Variants in FMO3 observed in about 807,000 individuals in gnomAD.
The protein encoded by FMO3 is flavin containing dimethylaniline monoxygenase 3, also known as flavin-containing monooxygenase 3.
In FMO3, 40 loss-of-function variants were observed where a neutral mutation model predicts 39.4. That is an observed-to-expected ratio of 1.02 (90% CI 0.79 to 1.32). The LOEUF (loss-of-function observed/expected upper bound fraction) is 1.32. FMO3 is among the 40% of genes most tolerant of loss of function. The probability of loss-of-function intolerance (pLI) is 0.00; values close to 1 mark genes in which losing one functional copy is unlikely to be tolerated. For missense variants in FMO3, 680 were observed against 651.8 expected, an observed-to-expected ratio of 1.04 and a Z score of -0.47; for synonymous variants, 219 against 228.8, an observed-to-expected ratio of 0.96 and a Z score of 0.39.
At chr1:171,092,558 T>C in intron 1 of FMO3, 95 bp from the exon 2 acceptor site, 1 of 1,461,432 alleles carries the variant, frequency 6.8e-7, no homozygotes, top group Admixed American at 1.7e-5. Flanking sequence ...AAAGTTTTTA[T>C]TAAGCCAAAG....
chr1:171,093,827 C>CTTT (rs1228257104), intron 2 of FMO3, among the ~76,000 whole-genome samples: 1,073 of 75,294 alleles, frequency 0.014, 57 homozygotes, highest in African/African-American at 0.017. Flanking sequence ...TCACTAATAT[C>CTTT]TTTTTTTTTT....
rs753676091 is a variant in FMO3 at position 171,116,443 on chromosome 1, G to A, written c.1256+163G>A. The stretch of plus-strand genomic sequence containing the variant: ...CAACAAATATTAATTGAAGACCTAC[G>A]TTGCTTCTGACATTGTATTAAGTTC... On this transcript the variant is annotated intron_variant, in intron 8 of 8. Transcript: ENST00000367755. 6.4e-4 allele frequency among the ~76,000 whole-genome samples: 98 copies of A among 152,134 alleles called. 1 individual carries two copies. Among genetic ancestry groups the A allele is most frequent in the Non-Finnish European group, 2.1e-4 (14 of 68,024 alleles).
intron 2 of FMO3, among the ~76,000 whole-genome samples, chr1:171,096,049 A>AT (rs1240961982): frequency 2.1e-5 from 1 of 47,438 alleles, no homozygotes; most frequent in African/African-American, 1.8e-4. Context: ...ATTATATATA[A>AT]ATATATAATA....
At chr1:171,095,921 T>A (rs367947231) in intron 2 of FMO3, among the ~76,000 whole-genome samples, 4 of 412 alleles carry the variant, frequency 9.7e-3, no homozygotes, top group Admixed American at 0.026. Context: ...AATATATATT[T>A]ATATAATTAT....
chr1:171,100,158 T>C (rs1655310169), intron 2 of FMO3: 1 of 152,218 alleles, frequency 6.6e-6, no homozygotes, highest in Admixed American at 6.5e-5. Flanking sequence ...TTGCTGAAGA[T>C]AGAACGCACT....
rs762148326 is a variant in FMO3 at position 171,092,710 on chromosome 1, A to G, written c.52A>G (p.Ile18Val). 1 of 1,614,162 alleles carries G rather than the reference A, an allele frequency of 6.2e-7. No individual in the cohort carries two copies. Among genetic ancestry groups the G allele is most frequent in the Non-Finnish European group, 8.5e-7 (1 of 1,180,016 alleles). The change falls in exon 2 of 9, where the codon ATC (isoleucine) becomes GTC (valine). Residue 18 changes from isoleucine (I) to valine (V), a missense_variant. Physicochemically the swap from Ile to Val is conservative, Grantham distance 29 (BLOSUM62 3). Coordinates refer to ENST00000367755, the MANE Select transcript of FMO3 (RefSeq NM_001002294.3). ...AGCTGGTGTGAGTGGCTTGGCCTCC[A>G]TCAGGAGCTGTCTGGAAGAGGGGCT... is the stretch of plus-strand genomic sequence containing the variant. Reference protein sequence around the residue: ...IGAGVSGLASIRSCLEEGLEP... With the variant: ...IGAGVSGLASVRSCLEEGLEP...
At position 171,103,674 on chromosome 1, in the gene FMO3, G is replaced by A. The variant is rs1014210137; in HGVS notation, c.133-111G>A. ...AGATTTTGGTAACCACGGAGGTCCTGGAACCTTCCATAGATACCAAGGGAT... is the reference window on the plus strand; with the variant it reads ...AGATTTTGGTAACCACGGAGGTCCTAGAACCTTCCATAGATACCAAGGGAT... On this transcript the variant is annotated intron_variant, in intron 2 of 8. Transcript: ENST00000367755. 4.1e-5 allele frequency: 37 copies of A among 913,400 alleles called. No individual in the cohort carries two copies. The East Asian group carries it at 8.9e-4, about 22-fold the overall frequency. 56.6% of individuals were successfully genotyped at this position (913,400 alleles called of 1,614,324 possible).
chr1:171,093,268 C>T (rs1026629368), intron 2 of FMO3, among the ~76,000 whole-genome samples: 1 of 151,960 alleles, frequency 6.6e-6, no homozygotes, highest in Non-Finnish European at 1.5e-5. Flanking sequence ...ATACCTCAAC[C>T]GCCTCCCACT....
At chr1:171,096,799 T>C (rs1300615898) in intron 2 of FMO3, among the ~76,000 whole-genome samples, 1 of 131,124 alleles carries the variant, frequency 7.6e-6, no homozygotes, top group African/African-American at 2.7e-5. Context: ...TATATATATT[T>C]GTAATTATAC....
At chr1:171,096,356 TAA>T (rs1186436028) in intron 2 of FMO3, among the ~76,000 whole-genome samples, 1 of 89,810 alleles carries the variant, frequency 1.1e-5, no homozygotes, top group Non-Finnish European at 1.8e-5. Context: ...TATAAATATA[TAA>T]AAATATATAT....
rs747102583 is a variant in FMO3, at chr1:171,110,801, AT to A, written c.632del (p.Met211ArgfsTer10). 6.2e-7 allele frequency: 1 copy of A among 1,613,932 alleles called. No homozygotes were observed. The highest frequency in any genetic ancestry group is 2.2e-5 in the East Asian group (1 of 44,872). ...GGTTGAATTGGTGTTTTTTAAGGTCATGATCAGTTCCAGAAGTGGCTCCTGG... is the reference window on the plus strand; with the variant it reads ...GGTTGAATTGGTGTTTTTTAAGGTCAGATCAGTTCCAGAAGTGGCTCCTGG... ...TELSRTAEQV[M>X]ISSRSGSWVM... is the part of the protein sequence containing the mutation. On this transcript the variant is annotated frameshift_variant, in exon 6 of 9. Transcript: ENST00000367755. LOFTEE classifies it high-confidence loss of function.
At chr1:171,099,759 CTTTTTT>C (rs747274398) in intron 2 of FMO3, 2 of 117,612 alleles carry the variant, frequency 1.7e-5, no homozygotes, top group Non-Finnish European at 3.4e-5. Context: ...CCATGTCTTT[CTTTTTT>C]TTTTTTTTTT....
intron 3 of FMO3, among the ~76,000 whole-genome samples, chr1:171,107,187 G>A (rs1240794179): frequency 6.6e-6 from 1 of 152,184 alleles, no homozygotes; most frequent in African/African-American, 2.4e-5. Flanking sequence ...TATAGTCCAA[G>A]TGACATCAGC....
intron 2 of FMO3, chr1:171,101,597 A>G: frequency 6.7e-6 from 3 of 450,706 alleles, no homozygotes; most frequent in East Asian, 7.0e-5. Context: ...CTTAGCTAAC[A>G]CTAAGGGTGC....
intron 8 of FMO3, 58 bp from the exon 9 acceptor site, chr1:171,117,042 G>A (rs1395593650): frequency 2.4e-5 from 32 of 1,311,864 alleles, no homozygotes; most frequent in Non-Finnish European, 2.9e-5. Flanking sequence ...CATTTTCTCT[G>A]TTCTGTTTCT....
chr1:171,103,742 C>T, intron 2 of FMO3, 43 bp from the exon 3 acceptor site: 3 of 1,483,288 alleles, frequency 2.0e-6, no homozygotes, highest in Non-Finnish European at 2.8e-6. Context: ...GATCAGTATA[C>T]TCATTTACCA....
At chr1:171,112,839 T>C (rs1036276759) in intron 6 of FMO3, among the ~76,000 whole-genome samples, 1 of 152,128 alleles carries the variant, frequency 6.6e-6, no homozygotes. Context: ...GTCTGGGGAC[T>C]GAGTCCTGAG....
At chr1:171,091,642 G>A (rs1330511841) in intron 1 of FMO3, among the ~76,000 whole-genome samples, 1 of 151,198 alleles carries the variant, frequency 6.6e-6, no homozygotes, top group Non-Finnish European at 1.5e-5. Context: ...AGGCTACAGT[G>A]CAGTGCTGTA....
At chr1:171,105,472 C>G (rs1655597049) in intron 3 of FMO3, among the ~76,000 whole-genome samples, 1 of 152,126 alleles carries the variant, frequency 6.6e-6, no homozygotes, top group Admixed American at 6.6e-5. Context: ...ACACTGACTT[C>G]CACAATGGTT....
Sources: gnomAD v4.1 joint callset for allele counts (sites outside exome capture counted in the v4.1 genomes callset) on GRCh38, gnomAD v4.1.1 for gene constraint, MANE v1.5 for transcripts, NCBI Gene and HGNC (gene_info 2026-07-23, HGNC 2026-07-21) for gene names.